AFAP1: variants seen among roughly 807,000 people sequenced by gnomAD.
AFAP1 encodes the protein actin filament-associated protein 1.
AFAP1 carries 75 observed loss-of-function variants against 93.9 expected under a neutral mutation model. The ratio of observed to expected loss-of-function variants is 0.80; its 90% confidence interval spans 0.66 to 0.97. The LOEUF (loss-of-function observed/expected upper bound fraction) is 0.97, where lower values mean the gene tolerates loss of function less well. AFAP1 is among the 50% of genes least tolerant of loss of function. AFAP1 has a pLI of 0.00. For missense variants in AFAP1, 1,201 were observed against 1,050.8 expected, an observed-to-expected ratio of 1.14 and a Z score of -1.98; for synonymous variants, 517 against 430.7, an observed-to-expected ratio of 1.20 and a Z score of -2.48.
At chr4:7,912,836 A>C (rs1719814731) in intron 1 of AFAP1, among the ~76,000 whole-genome samples, 1 of 152,080 alleles carries the variant, frequency 6.6e-6, no homozygotes, top group South Asian at 2.1e-4. Flanking sequence ...TTTTTCTATG[A>C]ATAATCAGGT....
chr4:7,898,519 C>T (rs1015961080), intron 1 of AFAP1, among the ~76,000 whole-genome samples: 1 of 152,036 alleles, frequency 6.6e-6, no homozygotes, highest in African/African-American at 2.4e-5. Context: ...ATTATATCCA[C>T]AGAAAGAGAA....
intron 8 of AFAP1, 76 bp downstream of exon 8, chr4:7,815,942 T>C (rs1720428637): frequency 2.2e-6 from 3 of 1,355,066 alleles, no homozygotes; most frequent in East Asian, 4.6e-5. Flanking sequence ...AATCAGACTT[T>C]ACAAACCTGG....
intron 6 of AFAP1, among the ~76,000 whole-genome samples, chr4:7,820,613 G>C (rs1236911112): frequency 1.3e-5 from 2 of 152,308 alleles, no homozygotes; most frequent in East Asian, 3.9e-4. Flanking sequence ...AGCCGAGAGA[G>C]AGAGAGACAG....
intron 3 of AFAP1, among the ~76,000 whole-genome samples, chr4:7,861,162 C>A (rs1715632939): frequency 6.6e-6 from 1 of 152,226 alleles, no homozygotes; most frequent in African/African-American, 2.4e-5. Context: ...GGATTAAAAT[C>A]TGTTAGGAGT....
intron 1 of AFAP1, among the ~76,000 whole-genome samples, chr4:7,919,397 T>C (rs1720310485): frequency 6.6e-6 from 1 of 152,144 alleles, no homozygotes; most frequent in Admixed American, 6.5e-5. Context: ...AAGGGGGCTA[T>C]TTTTGTGGTG....
intron 4 of AFAP1, among the ~76,000 whole-genome samples, chr4:7,849,711 G>A (rs1161316661): frequency 6.6e-6 from 1 of 152,182 alleles, no homozygotes; most frequent in Admixed American, 6.5e-5. Flanking sequence ...CCTTCCAGCT[G>A]CCCCACACAA....
At chr4:7,769,868 CCT>C (rs781420440) in intron 16 of AFAP1, among the ~76,000 whole-genome samples, 7 of 152,232 alleles carry the variant, frequency 4.6e-5, no homozygotes, top group Non-Finnish European at 8.8e-5. Context: ...GCCAACTTGA[CCT>C]ATGCAGTGGC....
At chr4:7,924,632 C>T (rs1350483891) in intron 1 of AFAP1, among the ~76,000 whole-genome samples, 2 of 152,046 alleles carry the variant, frequency 1.3e-5, no homozygotes, top group African/African-American at 4.8e-5. Context: ...TTTTTACTGA[C>T]AAGAAAAATG....
chr4:7,809,422 G>T, intron 9 of AFAP1, 192 bp downstream of exon 9: 1 of 558,082 alleles, frequency 1.8e-6, no homozygotes, highest in Non-Finnish European at 2.8e-6. Context: ...TAAAAGGCCT[G>T]CAAAGTCTTG....
intron 1 of AFAP1, among the ~76,000 whole-genome samples, chr4:7,885,363 T>C (rs971132572): frequency 2.0e-5 from 3 of 152,164 alleles, no homozygotes; most frequent in Non-Finnish European, 2.9e-5. Context: ...TGTGTGTCCC[T>C]GCGTCGTCCC....
At chr4:7,811,430 C>T (rs1016682689) in intron 8 of AFAP1, among the ~76,000 whole-genome samples, 5 of 151,918 alleles carry the variant, frequency 3.3e-5, no homozygotes, top group African/African-American at 1.2e-4. Flanking sequence ...CCTCTGCACA[C>T]GCACACACTC....
intron 10 of AFAP1, chr4:7,798,998 CTTTA>C (rs993111533): frequency 2.6e-5 from 25 of 979,208 alleles, no homozygotes; most frequent in East Asian, 2.3e-4. Flanking sequence ...AGTACAGTTT[CTTTA>C]TTTAAGTTTT....
chr4:7,777,227 A>G (rs1716225134), intron 14 of AFAP1: 1 of 152,220 alleles, frequency 6.6e-6, no homozygotes, highest in Non-Finnish European at 1.5e-5. Context: ...AATACACCTG[A>G]TACATTCAGG....
intron 11 of AFAP1, among the ~76,000 whole-genome samples, chr4:7,791,985 G>A (rs1027709060): frequency 1.3e-5 from 2 of 152,176 alleles, no homozygotes; most frequent in Non-Finnish European, 2.9e-5. Context: ...TCACATGTTT[G>A]TAAACCCAGT....
At chr4:7,935,266 A>G (rs1402972058) in intron 1 of AFAP1, among the ~76,000 whole-genome samples, 1 of 152,228 alleles carries the variant, frequency 6.6e-6, no homozygotes, top group East Asian at 1.9e-4. Context: ...AGGTGTTACT[A>G]GCAATTAACT....
chr4:7,793,673 G>A lies in AFAP1; in HGVS notation c.1412+8C>T. On this transcript the variant is annotated splice_region_variant and intron_variant, in intron 11 of 17. Coordinates refer to ENST00000420658, the MANE Select transcript of AFAP1 (RefSeq NM_001134647.2). ...TGTGGTGCCATTTCACATGGCAGTGGGTCTTACCAGAAGGTCTGTTTGGCT... is the reference window on the plus strand; with the variant it reads ...TGTGGTGCCATTTCACATGGCAGTGAGTCTTACCAGAAGGTCTGTTTGGCT... 2 of 1,529,554 alleles carry A rather than the reference G, an allele frequency of 1.3e-6. No homozygotes were observed. Among genetic ancestry groups the A allele is most frequent in the South Asian group, 1.3e-5 (1 of 79,016 alleles). The allele number at this position is 1,529,554 out of a possible 1,614,324, so 94.7% of individuals were successfully genotyped here.
chr4:7,904,058 T>C (rs777750740), intron 1 of AFAP1, among the ~76,000 whole-genome samples: 5 of 152,200 alleles, frequency 3.3e-5, no homozygotes, highest in Non-Finnish European at 7.3e-5. Flanking sequence ...TTTCCATGTT[T>C]TGCTGAATTT....
intron 5 of AFAP1, among the ~76,000 whole-genome samples, chr4:7,839,987 G>A (rs770361990): frequency 1.3e-5 from 2 of 152,146 alleles, no homozygotes; most frequent in African/African-American, 4.8e-5. Flanking sequence ...ACCAAGTGCT[G>A]AATGTCGACA....
At chr4:7,812,583 A>G (rs1296340380) in intron 8 of AFAP1, among the ~76,000 whole-genome samples, 1 of 152,140 alleles carries the variant, frequency 6.6e-6, no homozygotes, top group Non-Finnish European at 1.5e-5. Flanking sequence ...AGAACCAGGA[A>G]GAAAAACTCA....
Sources: gnomAD v4.1 joint callset for allele counts (sites outside exome capture counted in the v4.1 genomes callset) on GRCh38, gnomAD v4.1.1 for gene constraint, MANE v1.5 for transcripts, NCBI Gene and HGNC (gene_info 2026-07-23, HGNC 2026-07-21) for gene names.